The following TMEM132B variants were observed in gnomAD, a reference collection of about 807,000 sequenced individuals.
TMEM132B encodes transmembrane protein 132B.
A neutral mutation model predicts 90.8 loss-of-function variants in TMEM132B; 18 were observed. The ratio of observed to expected loss-of-function variants is 0.20; its 90% CI spans 0.14 to 0.29. The LOEUF (loss-of-function observed/expected upper bound fraction) is 0.29. TMEM132B is among the 10% of genes least tolerant of loss of function. TMEM132B has a pLI of 1.00. For missense variants in TMEM132B, 1,096 were observed against 1,326.8 expected, an observed-to-expected ratio of 0.83 and a Z score of 2.70; for synonymous variants, 504 against 523.3, an observed-to-expected ratio of 0.96 and a Z score of 0.50.
chr12:125,509,772 G>A (rs549804421), intron 3 of TMEM132B, among the ~76,000 whole-genome samples: 41 of 152,208 alleles, frequency 2.7e-4, no homozygotes, highest in African/African-American at 8.9e-4. Context: ...CCAATCTGAG[G>A]TGAAGCTGCG....
At chr12:125,356,621 A>G (rs1877781095) in intron 2 of TMEM132B, among the ~76,000 whole-genome samples, 1 of 152,162 alleles carries the variant, frequency 6.6e-6, no homozygotes, top group Non-Finnish European at 1.5e-5. Flanking sequence ...CTGGACATCT[A>G]CAGGAGCCCC....
intron 1 of TMEM132B, among the ~76,000 whole-genome samples, chr12:125,236,714 C>G (rs188140239): frequency 1.3e-5 from 2 of 152,232 alleles, no homozygotes; most frequent in Admixed American, 1.3e-4. Flanking sequence ...GTATCCTGCA[C>G]CACTTCAAGC....
intron 1 of TMEM132B, among the ~76,000 whole-genome samples, chr12:125,338,407 C>G (rs1426213847): frequency 6.6e-6 from 1 of 152,222 alleles, no homozygotes; most frequent in Non-Finnish European, 1.5e-5. Context: ...ACTTGGATGC[C>G]TGACATTTCT....
chr12:125,648,530 GTT>G (rs60114108), intron 6 of TMEM132B, among the ~76,000 whole-genome samples: 55 of 132,518 alleles, frequency 4.2e-4, no homozygotes, highest in African/African-American at 9.0e-4. Flanking sequence ...AAGATCTCCT[GTT>G]TTTTTTTTTT....
rs558338185 is a variant in TMEM132B, at chr12:125,389,538, C to T, written c.960-25993C>T. On this transcript the variant is annotated intron_variant, in intron 2 of 8. Transcript: ENST00000682704. The stretch of plus-strand genomic sequence containing the variant: ...TAGCTGTGTGATCTTGGGAAAATTA[C>T]CTAAACTTTCTGTTCCTCATTTTCC... Among the ~76,000 whole-genome samples, 5 of 152,206 alleles carry T rather than the reference C, an allele frequency of 3.3e-5. No individual in the cohort carries two copies. In the South Asian group the frequency reaches 1.0e-3, roughly 32 times the overall value.
chr12:125,381,182 T>A (rs2136285927), intron 2 of TMEM132B, among the ~76,000 whole-genome samples: 1 of 152,250 alleles, frequency 6.6e-6, no homozygotes, highest in East Asian at 1.9e-4. Context: ...GATTTGATAT[T>A]CCACACACCT....
intron 1 of TMEM132B, among the ~76,000 whole-genome samples, chr12:125,325,668 C>CGTGTGTGTGT (rs1876540681): frequency 1.4e-5 from 2 of 139,366 alleles, no homozygotes; most frequent in African/African-American, 5.4e-5. Flanking sequence ...TGCCTCCCAC[C>CGTGTGTGTGT]CTGTGTGTGT....
intron 1 of TMEM132B, among the ~76,000 whole-genome samples, chr12:125,202,886 T>C (rs999794789): frequency 6.6e-6 from 1 of 152,206 alleles, no homozygotes; most frequent in Non-Finnish European, 1.5e-5. Context: ...CTGTTTCTGA[T>C]ATGAACTTGA....
chr12:125,263,851 T>C (rs1054598841), intron 1 of TMEM132B, among the ~76,000 whole-genome samples: 3 of 152,198 alleles, frequency 2.0e-5, no homozygotes, highest in African/African-American at 4.8e-5. Flanking sequence ...GTCACAACCA[T>C]CTGAGGGAAT....
intron 3 of TMEM132B, among the ~76,000 whole-genome samples, chr12:125,512,586 G>A (rs1429667362): frequency 2.6e-5 from 4 of 152,170 alleles, no homozygotes; most frequent in African/African-American, 9.7e-5. Context: ...TGGGAAGTCA[G>A]AAAATCTAAC....
At position 125,567,748 on chromosome 12, in the gene TMEM132B, T is replaced by G. The variant is rs373449054; in HGVS notation, c.1294-16103T>G. On this transcript the variant is annotated intron_variant, in intron 4 of 8. Transcript: ENST00000682704. ...CCGGTCCTGTGACAGCCAGAAGCTG[T>G]GTGAAATTTTAATGTAGCTCAAGCT... is the stretch of plus-strand genomic sequence containing the variant. Among the ~76,000 whole-genome samples, 22 of 152,284 alleles carry G rather than the reference T, an allele frequency of 1.4e-4. No homozygotes were observed. In the East Asian group the frequency reaches 4.2e-3, roughly 29 times the overall value.
At chr12:125,260,701 A>G (rs1189364309) in intron 1 of TMEM132B, among the ~76,000 whole-genome samples, 1 of 152,112 alleles carries the variant, frequency 6.6e-6, no homozygotes, top group African/African-American at 2.4e-5. Context: ...CCTTGTCCTA[A>G]GGTATAAGTA....
intron 4 of TMEM132B, among the ~76,000 whole-genome samples, chr12:125,572,077 G>A (rs1471613014): frequency 6.6e-6 from 1 of 152,166 alleles, no homozygotes; most frequent in South Asian, 2.1e-4. Flanking sequence ...GGTTTTGTCT[G>A]ATATTTCCTT....
chr12:125,213,735 T>C lies in TMEM132B; in HGVS notation c.67+26869T>C, dbSNP rs1420936454. On this transcript the variant is annotated intron_variant, in intron 1 of 8. Transcript: ENST00000682704. The surrounding 1 kb of genome is among the most constrained non-coding windows in gnomAD (Gnocchi z 4.2). ...CTAGCGTCCCTTGCTCTAGATAGAGTGTGATCTCTGTAAGTATAGATCATG... is the reference window on the plus strand; with the variant it reads ...CTAGCGTCCCTTGCTCTAGATAGAGCGTGATCTCTGTAAGTATAGATCATG... Among the ~76,000 whole-genome samples the C allele has an allele frequency of 6.6e-6, 1 of 152,196 alleles. No homozygotes were observed.
chr12:125,244,768 C>T (rs1874170377), intron 1 of TMEM132B, among the ~76,000 whole-genome samples: 1 of 152,208 alleles, frequency 6.6e-6, no homozygotes, highest in African/African-American at 2.4e-5. Context: ...TTGTCCTCAT[C>T]TAGGCAGCCG....
intron 2 of TMEM132B, among the ~76,000 whole-genome samples, chr12:125,396,571 G>A (rs1045910030): frequency 1.1e-4 from 17 of 152,168 alleles, no homozygotes; most frequent in African/African-American, 3.6e-4. Context: ...GGAGTGCAGT[G>A]GTGTGATCAT....
chr12:125,641,650 A>G (rs1886633619), intron 5 of TMEM132B, among the ~76,000 whole-genome samples: 1 of 152,170 alleles, frequency 6.6e-6, no homozygotes, highest in African/African-American at 2.4e-5. Flanking sequence ...TCACTTCCTA[A>G]AAGATGGGGC....
intron 1 of TMEM132B, chr12:125,301,699 A>G (rs1875827673): frequency 6.6e-6 from 1 of 151,582 alleles, no homozygotes; most frequent in African/African-American, 2.4e-5. Context: ...TAACGTGGTG[A>G]AACCCTATCT....
rs61525641 is a variant in TMEM132B, at chr12:125,635,150, T to C, written c.1438-8926T>C. Among the ~76,000 whole-genome samples the C allele has an allele frequency of 4.9e-3, 746 of 152,358 alleles. 2 individuals are homozygous for C. Among genetic ancestry groups the C allele is most frequent in the African/African-American group, 0.017 (702 of 41,568 alleles). On this transcript the variant is annotated intron_variant, in intron 5 of 8. Coordinates refer to ENST00000682704, the MANE Select transcript of TMEM132B (RefSeq NM_001366854.1). Reference sequence around the variant, plus strand: ...CCTAGGGCTGGATTTATTTATTTAATTTATTTATTTATACTTTAAACTCTG... The same window carrying C: ...CCTAGGGCTGGATTTATTTATTTAACTTATTTATTTATACTTTAAACTCTG...
Sources: allele counts gnomAD v4.1 joint callset (sites outside exome capture counted in the v4.1 genomes callset), GRCh38; gene constraint gnomAD v4.1.1; non-coding constraint Gnocchi (gnomAD v3.1); transcripts MANE v1.5; gene names NCBI Gene and HGNC (gene_info 2026-07-23, HGNC 2026-07-21).